Variants in ASCC3 observed in about 807,000 individuals in gnomAD.
The protein encoded by ASCC3 is activating signal cointegrator 1 complex subunit 3.
In ASCC3, 158 loss-of-function variants were observed where a neutral mutation model predicts 256.3. That is an observed-to-expected ratio of 0.62 (90% confidence interval 0.54 to 0.70). The LOEUF (loss-of-function observed/expected upper bound fraction) is 0.70. Ranked by LOEUF, ASCC3 falls within the 30% of genes least tolerant of loss-of-function variation. The pLI is 0.00. For missense variants in ASCC3, 2,259 were observed against 2,626.0 expected (o/e 0.86, Z 3.05); for synonymous variants, 948 against 883.4 (o/e 1.07, Z -1.30).
rs1186784840 is a variant in ASCC3 at position 100,627,728 on chromosome 6, G to A, written c.4522-18C>T. On this transcript the variant is annotated intron_variant, in intron 28 of 41. Coordinates refer to ENST00000369162, the MANE Select transcript of ASCC3 (RefSeq NM_006828.4). ...AAGCCCATCTAGAGTAAATATGAGA[G>A]AGAAACCATTTTCAATTTTTATATT... 1.2e-6 allele frequency: 2 copies of A among 1,612,786 alleles called. No individual in the cohort carries two copies. The highest frequency in any genetic ancestry group is 1.1e-5 in the South Asian group (1 of 90,984).
At position 100,511,259 on chromosome 6, in the gene ASCC3, A is replaced by T. The variant is rs1368924265; in HGVS notation, c.6286-1152T>A. The stretch of plus-strand genomic sequence containing the variant: ...GTTTGAGACCAGCCTGGCCAACATA[A>T]TACAAAAAATTAGCTGGGTATGGTG... On this transcript the variant is annotated intron_variant, in intron 40 of 41. Coordinates refer to ENST00000369162, the MANE Select transcript of ASCC3 (RefSeq NM_006828.4). 3.9e-5 allele frequency among the ~76,000 whole-genome samples: 6 copies of T among 152,022 alleles called. No homozygotes were observed. In the South Asian group the frequency reaches 8.3e-4, roughly 21 times the overall value.
At chr6:100,654,857 G>C (rs983114222) in intron 17 of ASCC3, among the ~76,000 whole-genome samples, 4 of 151,434 alleles carry the variant, frequency 2.6e-5, no homozygotes, top group Admixed American at 2.6e-4. Context: ...ACTGCATAGG[G>C]AAAGAAAAAA....
intron 5 of ASCC3, among the ~76,000 whole-genome samples, chr6:100,805,160 T>C (rs1770109603): frequency 6.6e-6 from 1 of 152,152 alleles, no homozygotes; most frequent in Non-Finnish European, 1.5e-5. Flanking sequence ...CATTTTACAG[T>C]TAAAGAACCA....
At chr6:100,630,033 G>A (rs946846803) in intron 26 of ASCC3, among the ~76,000 whole-genome samples, 2 of 151,684 alleles carry the variant, frequency 1.3e-5, no homozygotes, top group Admixed American at 6.6e-5. Context: ...TGGGATTACA[G>A]GCATGCACCA....
intron 10 of ASCC3, among the ~76,000 whole-genome samples, chr6:100,742,011 A>G (rs1780458325): frequency 1.3e-5 from 2 of 152,024 alleles, no homozygotes; most frequent in South Asian, 4.2e-4. Context: ...ATTTAGCTTC[A>G]ATCTTTGAGG....
chr6:100,653,232 T>C (rs1038076710), intron 17 of ASCC3, among the ~76,000 whole-genome samples: 2 of 152,170 alleles, frequency 1.3e-5, no homozygotes, highest in African/African-American at 4.8e-5. Flanking sequence ...TCTCCCATAC[T>C]AAAGTAAATA....
At chr6:100,579,105 G>C (rs936837153) in intron 36 of ASCC3, among the ~76,000 whole-genome samples, 3 of 150,900 alleles carry the variant, frequency 2.0e-5, no homozygotes, top group Non-Finnish European at 4.4e-5. Context: ...TTTTTCCTAT[G>C]CTTGTTGGTC....
intron 4 of ASCC3, among the ~76,000 whole-genome samples, chr6:100,810,741 T>G (rs564810765): frequency 2.0e-5 from 3 of 152,312 alleles, no homozygotes; most frequent in African/African-American, 7.2e-5. Flanking sequence ...TGATCTTGTG[T>G]TGTTGTTGCT....
chr6:100,617,065 C>T (rs536524149), intron 30 of ASCC3, among the ~76,000 whole-genome samples: 4 of 151,972 alleles, frequency 2.6e-5, no homozygotes, highest in African/African-American at 7.3e-5. Context: ...AGTGCAGTGG[C>T]GCGATCTTGG....
At position 100,631,111 on chromosome 6, in the gene ASCC3, T is replaced by C. The variant is rs758651643; in HGVS notation, c.4208+17A>G. ...GTCAATTCAAAGCGTATCTTTTGAG[T>C]AAAAGTAAGAACTTACTTTTTACCA... On this transcript the variant is annotated intron_variant, in intron 26 of 41. Transcript: ENST00000369162. The C allele has an allele frequency of 1.3e-6, 2 of 1,547,810 alleles. No homozygotes were observed. Among genetic ancestry groups the C allele is most frequent in the South Asian group, 1.1e-5 (1 of 89,084 alleles).
At chr6:100,662,668 G>A (rs1303253299) in intron 14 of ASCC3, 132 bp from the exon 15 acceptor site, 1 of 765,604 alleles carries the variant, frequency 1.3e-6, no homozygotes, top group Non-Finnish European at 2.1e-6. Context: ...CTAGGTCTTA[G>A]TATATAATGC....
At chr6:100,762,981 C>T (rs1007781744) in intron 10 of ASCC3, among the ~76,000 whole-genome samples, 2 of 152,012 alleles carry the variant, frequency 1.3e-5, no homozygotes, top group African/African-American at 2.4e-5. Context: ...TTAATCAATG[C>T]TGATTATTGG....
In ASCC3 at chr6:100,642,723, C is replaced by G. The variant is rs775553262; in HGVS notation, c.3759G>C (p.Leu1253=). The part of the protein sequence containing the change: ...KQVISKEAQL[L]VFTIPIFEPL... ...GCTCAAAAATAGGGATTGTAAATAC[C>G]AGTAGTTGGGCTTCTTTACTAATGA... The change falls in exon 24 of 42, where the codon CTG becomes CTC. Residue 1253 remains leucine (L), a synonymous_variant. Coordinates refer to ENST00000369162, the MANE Select transcript of ASCC3 (RefSeq NM_006828.4). 6.2e-7 allele frequency: 1 copy of G among 1,613,536 alleles called. No homozygotes were observed. Among genetic ancestry groups the G allele is most frequent in the Admixed American group, 1.7e-5 (1 of 59,998 alleles).
chr6:100,810,949 C>A (rs1314592948), intron 4 of ASCC3, among the ~76,000 whole-genome samples: 1 of 152,078 alleles, frequency 6.6e-6, no homozygotes, highest in Non-Finnish European at 1.5e-5. Flanking sequence ...AACACAAGAT[C>A]CACGTTTAAT....
intron 10 of ASCC3, among the ~76,000 whole-genome samples, chr6:100,730,839 C>T (rs959126974): frequency 6.6e-6 from 1 of 152,054 alleles, no homozygotes; most frequent in Admixed American, 6.6e-5. Flanking sequence ...TTTTATGTTC[C>T]CTTCTCTCCC....
In ASCC3 at chr6:100,652,777, G is replaced by A; in HGVS notation, c.2936C>T (p.Thr979Ile). ...ATGGCTGGCAGTTCTACCCAAATCAGTTGAGGAAAAATATCCAGTTCGCTC... is the reference window on the plus strand; with the variant it reads ...ATGGCTGGCAGTTCTACCCAAATCAATTGAGGAAAAATATCCAGTTCGCTC... ...FEERTGYFSS[T>I]DLGRTASHYY... The change falls in exon 18 of 42, where the codon ACT (threonine) becomes ATT (isoleucine). Residue 979 changes from threonine (T) to isoleucine (I), a missense_variant. By Grantham distance (89) the Thr-to-Ile change is moderately conservative. This residue lies in a region of ASCC3 where 1,839 missense variants were observed against 2,206.7 expected (regional missense o/e 0.83). Transcript: ENST00000369162. 2 of 1,613,844 alleles carry A rather than the reference G, an allele frequency of 1.2e-6. No homozygotes were observed. The highest frequency in any genetic ancestry group is 1.7e-6 in the Non-Finnish European group (2 of 1,179,904).
At chr6:100,593,420 GATCTT>G (rs1772106979) in intron 34 of ASCC3, among the ~76,000 whole-genome samples, 1 of 152,080 alleles carries the variant, frequency 6.6e-6, no homozygotes, top group Non-Finnish European at 1.5e-5. Context: ...ATCTTTAAAA[GATCTT>G]ATCAAAGGAC....
At chr6:100,598,980 T>C (rs766079027) in intron 34 of ASCC3, among the ~76,000 whole-genome samples, 29 of 152,104 alleles carry the variant, frequency 1.9e-4, no homozygotes, top group Non-Finnish European at 3.8e-4. Context: ...GGTAAACAGA[T>C]ACAGTGATAA....
chr6:100,512,047 GAGGACCAGATAATC>G lies in ASCC3; in HGVS notation c.6285+648_6285+661del, dbSNP rs545837425. On this transcript the variant is annotated intron_variant, in intron 40 of 41. Transcript: ENST00000369162. ...CACCTGCTGTGTACTAATATTCTTA[GAGGACCAGATAATC>G]AGAGGCAACAGAAAAGAGCATAGTA... 5.6e-4 allele frequency among the ~76,000 whole-genome samples: 86 copies of G among 152,234 alleles called. 1 individual carries two copies. Among genetic ancestry groups the G allele is most frequent in the African/African-American group, 1.9e-3 (81 of 41,542 alleles).
Sources: gnomAD v4.1 joint callset for allele counts (sites outside exome capture counted in the v4.1 genomes callset) on GRCh38, gnomAD v4.1.1 for gene constraint, gnomAD v4.1.1 regional missense constraint, MANE v1.5 for transcripts, NCBI Gene and HGNC (gene_info 2026-07-23, HGNC 2026-07-21) for gene names.